Variants in ASPRV1 observed in about 807,000 individuals in gnomAD.
ASPRV1 encodes aspartic peptidase retroviral like 1, also known as retroviral-like aspartic protease 1.
A neutral mutation model predicts 11.0 loss-of-function variants in ASPRV1; 7 were observed. That is an observed-to-expected ratio of 0.64 (90% CI 0.36 to 1.20). The LOEUF is 1.20. Ranked by LOEUF, ASPRV1 falls within the 50% of genes most tolerant of loss-of-function variation. The pLI, the probability that ASPRV1 is intolerant of heterozygous loss-of-function variation, is 0.02. For synonymous variants in ASPRV1, 136 were observed against 138.4 expected, an observed-to-expected ratio of 0.98 and a Z score of 0.12; for missense variants, 299 against 320.0, an observed-to-expected ratio of 0.93 and a Z score of 0.50.
At chr2:69,952,343 CTACAAAAAA>C in the ASPRV1 span, among the ~76,000 whole-genome samples, 1 of 152,058 alleles carries the variant, frequency 6.6e-6, no homozygotes, top group African/African-American at 2.4e-5. Context: ...AACCCCGTCT[CTACAAAAAA>C]TACAAAAATT....
upstream of ASPRV1, among the ~76,000 whole-genome samples, chr2:69,963,700 G>C (rs1441904124): frequency 3.9e-5 from 6 of 152,138 alleles, no homozygotes; most frequent in Non-Finnish European, 7.3e-5. Context: ...GAGTGGGTTT[G>C]GTGTTCACAT....
chr2:70,044,725 C>A, the ASPRV1 span, among the ~76,000 whole-genome samples: 4 of 152,202 alleles, frequency 2.6e-5, no homozygotes, highest in Non-Finnish European at 5.9e-5. Context: ...TCCCAAAGTG[C>A]TGGGATTCCG....
the ASPRV1 span, among the ~76,000 whole-genome samples, chr2:70,004,896 T>C: frequency 6.6e-6 from 1 of 152,112 alleles, no homozygotes; most frequent in Non-Finnish European, 1.5e-5. Flanking sequence ...CACTGCCTTT[T>C]GTCTATTTTG....
chr2:70,003,285 A>C, the ASPRV1 span: 1 of 152,240 alleles, frequency 6.6e-6, no homozygotes, highest in Non-Finnish European at 1.5e-5. Context: ...TGGCCAAGGT[A>C]CTTCACAGCT....
chr2:70,022,796 G>A, the ASPRV1 span, among the ~76,000 whole-genome samples: 1 of 151,958 alleles, frequency 6.6e-6, no homozygotes, highest in Non-Finnish European at 1.5e-5. Context: ...TTGCCAAGAT[G>A]TATACTCATC....
chr2:69,941,103 T>C, the ASPRV1 span: 2 of 152,306 alleles, frequency 1.3e-5, no homozygotes, highest in African/African-American at 4.8e-5. Context: ...CAGATGTGTA[T>C]AAATATAGGC....
chr2:69,947,644 C>T, the ASPRV1 span, among the ~76,000 whole-genome samples: 7 of 152,058 alleles, frequency 4.6e-5, no homozygotes, highest in African/African-American at 1.7e-4. Flanking sequence ...TGCGGAATCA[C>T]AGTGTAAAAT....
chr2:70,009,212 G>A, the ASPRV1 span, among the ~76,000 whole-genome samples: 4 of 152,092 alleles, frequency 2.6e-5, no homozygotes, highest in Non-Finnish European at 5.9e-5. Flanking sequence ...GGGGGAAGGG[G>A]TGCAAGAAGA....
chr2:70,080,738 G>C, the ASPRV1 span, among the ~76,000 whole-genome samples: 1 of 152,222 alleles, frequency 6.6e-6, no homozygotes, highest in African/African-American at 2.4e-5. Context: ...CACTAGTGAA[G>C]TAGCAAAACA....
chr2:70,024,853 CAA>C, the ASPRV1 span, among the ~76,000 whole-genome samples: 2 of 152,114 alleles, frequency 1.3e-5, no homozygotes, highest in Non-Finnish European at 2.9e-5. Flanking sequence ...CCCCATTCCC[CAA>C]ACTCATTCCT....
At chr2:69,955,207 G>A (rs1677911475), downstream of ASPRV1, among the ~76,000 whole-genome samples, 1 of 152,190 alleles carries the variant, frequency 6.6e-6, no homozygotes. Flanking sequence ...AGAGGACCAG[G>A]TGGGCAGACC....
chr2:69,939,089 C>T, the ASPRV1 span: 1 of 152,490 alleles, frequency 6.6e-6, no homozygotes, highest in African/African-American at 2.4e-5. Flanking sequence ...TTTTTTCCTA[C>T]CTCAGAGATA....
the ASPRV1 span, among the ~76,000 whole-genome samples, chr2:70,063,309 C>A: frequency 6.6e-6 from 1 of 152,196 alleles, no homozygotes; most frequent in Non-Finnish European, 1.5e-5. Context: ...ACCTTCGGAT[C>A]CCACCATTCA....
chr2:69,976,590 CAGAT>C, the ASPRV1 span: 1 of 152,142 alleles, frequency 6.6e-6, no homozygotes, highest in Non-Finnish European at 1.5e-5. Context: ...GAATGCTTTC[CAGAT>C]TTGACTGAAT....
chr2:70,004,021 G>A, the ASPRV1 span, among the ~76,000 whole-genome samples: 1 of 152,148 alleles, frequency 6.6e-6, no homozygotes, highest in Admixed American at 6.5e-5. Context: ...GTGGTATTCT[G>A]TAATAGCAGC....
chr2:70,017,083 C>T, the ASPRV1 span, among the ~76,000 whole-genome samples: 6 of 152,174 alleles, frequency 3.9e-5, no homozygotes, highest in African/African-American at 9.6e-5. Context: ...CTCCGCCTCC[C>T]GGGTTCATGC....
the ASPRV1 span, among the ~76,000 whole-genome samples, chr2:70,054,684 G>A: frequency 5.3e-5 from 8 of 152,130 alleles, no homozygotes; most frequent in Admixed American, 3.3e-4. Flanking sequence ...ATGGAGAAGT[G>A]GGTAAAGTAA....
chr2:69,977,349 A>C, the ASPRV1 span, among the ~76,000 whole-genome samples: 3 of 152,184 alleles, frequency 2.0e-5, no homozygotes, highest in Non-Finnish European at 4.4e-5. Context: ...GTGGGTGGGA[A>C]GTCACTGGCA....
At chr2:70,053,308 G>A in the ASPRV1 span, among the ~76,000 whole-genome samples, 27 of 152,096 alleles carry the variant, frequency 1.8e-4, no homozygotes, top group Non-Finnish European at 3.7e-4. Flanking sequence ...ACAAGGAACT[G>A]GAAACTTCCC....
Sources: allele counts gnomAD v4.1 joint callset (sites outside exome capture counted in the v4.1 genomes callset), GRCh38; gene constraint gnomAD v4.1.1; transcripts MANE v1.5; gene names NCBI Gene and HGNC (gene_info 2026-07-23, HGNC 2026-07-21).